IRAK3: variants seen among roughly 807,000 people sequenced by gnomAD.
IRAK3 encodes the protein interleukin-1 receptor-associated kinase 3.
IRAK3 carries 57 observed loss-of-function variants against 56.6 expected under a neutral mutation model. The observed-to-expected ratio is 1.01, with a 90% CI of 0.81 to 1.26. The LOEUF is 1.26. Ranked by LOEUF, IRAK3 falls within the 50% of genes most tolerant of loss-of-function variation. The pLI is 0.00. For synonymous variants in IRAK3, 258 were observed against 255.7 expected, an observed-to-expected ratio of 1.01 and a Z score of -0.09; for missense variants, 703 against 719.0, an observed-to-expected ratio of 0.98 and a Z score of 0.25.
intron 8 of IRAK3, among the ~76,000 whole-genome samples, chr12:66,241,103 C>T (rs903447929): frequency 1.3e-5 from 2 of 151,902 alleles, no homozygotes; most frequent in African/African-American, 2.4e-5. Context: ...TCCTAGAGAC[C>T]CCTACTAATA....
chr12:66,193,643 G>T (rs986694157), intron 1 of IRAK3, among the ~76,000 whole-genome samples: 3 of 76,434 alleles, frequency 3.9e-5, no homozygotes, highest in Admixed American at 2.2e-4. Context: ...AGGAGTATTG[G>T]TTGGAACTTA....
intron 1 of IRAK3, among the ~76,000 whole-genome samples, chr12:66,192,790 A>C (rs956977219): frequency 1.3e-5 from 2 of 151,996 alleles, no homozygotes; most frequent in Non-Finnish European, 2.9e-5. Context: ...GGATTATCTC[A>C]TTTACTTATT....
chr12:66,235,392 C>G (rs1279780035), intron 8 of IRAK3, among the ~76,000 whole-genome samples: 2 of 151,108 alleles, frequency 1.3e-5, no homozygotes, highest in East Asian at 3.9e-4. Context: ...GGCCCCGGGC[C>G]GAGGCAGCTT....
chr12:66,236,042 A>C (rs1311441179), intron 8 of IRAK3, among the ~76,000 whole-genome samples: 1 of 152,214 alleles, frequency 6.6e-6, no homozygotes, highest in African/African-American at 2.4e-5. Context: ...ATTCTCTGTA[A>C]TTAATTTTAT....
At chr12:66,193,304 C>T (rs192083776) in intron 1 of IRAK3, among the ~76,000 whole-genome samples, 112 of 152,202 alleles carry the variant, frequency 7.4e-4, no homozygotes, top group African/African-American at 2.2e-3. Flanking sequence ...TGAGCCACCG[C>T]GCCTGGCCTA....
chr12:66,205,571 G>T (rs11465949), intron 2 of IRAK3, among the ~76,000 whole-genome samples: 5 of 152,128 alleles, frequency 3.3e-5, no homozygotes, highest in Admixed American at 2.6e-4. Flanking sequence ...CTCAACAGGC[G>T]TTTCCTATCA....
chr12:66,196,829 T>C, intron 1 of IRAK3: 1 of 1,440,490 alleles, frequency 6.9e-7, no homozygotes, highest in Non-Finnish European at 9.1e-7. Context: ...TTGTCTAATT[T>C]TTTGCATGCT....
intron 5 of IRAK3, among the ~76,000 whole-genome samples, chr12:66,214,305 C>G (rs1057293202): frequency 6.6e-6 from 1 of 151,668 alleles, no homozygotes; most frequent in African/African-American, 2.4e-5. Flanking sequence ...GGGCGGATCA[C>G]TTGAGGTCAG....
chr12:66,239,733 G>T (rs2052945614), intron 8 of IRAK3, among the ~76,000 whole-genome samples: 1 of 151,970 alleles, frequency 6.6e-6, no homozygotes, highest in African/African-American at 2.4e-5. Flanking sequence ...ATCCAAATAT[G>T]ATTTTTTCTA....
chr12:66,235,842 T>C (rs1472575194), intron 8 of IRAK3, among the ~76,000 whole-genome samples: 3 of 152,342 alleles, frequency 2.0e-5, no homozygotes, highest in Admixed American at 6.5e-5. Context: ...TATTTTTCAA[T>C]GGCTTATTTT....
At chr12:66,216,025 T>C (rs1216264222) in intron 5 of IRAK3, among the ~76,000 whole-genome samples, 1 of 152,208 alleles carries the variant, frequency 6.6e-6, no homozygotes, top group Non-Finnish European at 1.5e-5. Flanking sequence ...CAGATTCTGA[T>C]TCAGCAGATC....
intron 2 of IRAK3, among the ~76,000 whole-genome samples, chr12:66,206,667 G>C (rs974817686): frequency 6.6e-6 from 1 of 152,112 alleles, no homozygotes; most frequent in African/African-American, 2.4e-5. Context: ...AAGAGGTATT[G>C]GTCTGTTGTT....
chr12:66,215,784 A>ATGCACGTGCACGTGCGCGCGCG lies in IRAK3; in HGVS notation c.589-1382_589-1381insGTGCACGTGCGCGCGCGTGCAC, dbSNP rs2052665235. Reference sequence around the variant, plus strand: ...TCTCCGCCCCCTATTTTAACCCAACATGCACACACACACACACACACACAC... The same window carrying ATGCACGTGCACGTGCGCGCGCG: ...TCTCCGCCCCCTATTTTAACCCAACATGCACGTGCACGTGCGCGCGCGTGCACACACACACACACACACACAC... On this transcript the variant is annotated intron_variant, in intron 5 of 11. Coordinates refer to ENST00000261233, the MANE Select transcript of IRAK3 (RefSeq NM_007199.3). Among the ~76,000 whole-genome samples the ATGCACGTGCACGTGCGCGCGCG allele has an allele frequency of 6.9e-5, 2 of 28,784 alleles. 1 individual carries two copies. Among genetic ancestry groups the ATGCACGTGCACGTGCGCGCGCG allele is most frequent in the Non-Finnish European group, 1.5e-4 (2 of 13,040 alleles). The allele number at this position is 28,784 out of a possible 152,430, so 18.9% of individuals were successfully genotyped here.
At position 66,252,439 on chromosome 12, in the gene IRAK3, G is replaced by T. The variant is rs563300483; in HGVS notation, c.*4268G>T. The T allele has an allele frequency of 5.3e-5, 8 of 152,280 alleles. No homozygotes were observed. The highest frequency in any genetic ancestry group is 2.6e-4 in the Admixed American group (4 of 15,296). The allele number at this position is 152,280 out of a possible 1,614,324, so 9.4% of individuals were successfully genotyped here. A position where few individuals can be genotyped will look rare whatever the true frequency, so the allele number is the denominator to read the frequency against. ...TTGTTGATTCCACAGATTTTTAGTA[G>T]GTACCATGTCTCCTGCCTTTATCAC... On this transcript the variant is annotated 3_prime_UTR_variant, in exon 12 of 12. Coordinates refer to ENST00000261233, the MANE Select transcript of IRAK3 (RefSeq NM_007199.3).
intron 8 of IRAK3, among the ~76,000 whole-genome samples, chr12:66,239,620 C>T (rs1338642892): frequency 6.6e-6 from 1 of 152,148 alleles, no homozygotes; most frequent in East Asian, 1.9e-4. Context: ...TCATAACCCC[C>T]TCAAAAAGCC....
Position 66,253,681 on chromosome 12 carries a change from T to C in IRAK3, c.*5510T>C, listed in dbSNP as rs2053124178. 1 of 152,152 alleles carries C rather than the reference T, an allele frequency of 6.6e-6. No individual in the cohort carries two copies. The highest frequency in any genetic ancestry group is 2.1e-4 in the South Asian group (1 of 4,832). 9.4% of individuals were successfully genotyped at this position (152,152 alleles called of 1,614,324 possible). ...TCTTATAGACAAACATTAATTGGAA[T>C]GGGGGGTAAGGAGGTAGGAATGGCT... is the stretch of plus-strand genomic sequence containing the variant. On this transcript the variant is annotated 3_prime_UTR_variant, in exon 12 of 12. Transcript: ENST00000261233.
intron 8 of IRAK3, among the ~76,000 whole-genome samples, chr12:66,229,684 T>G (rs897810994): frequency 1.3e-5 from 2 of 152,228 alleles, no homozygotes; most frequent in Middle Eastern, 3.4e-3. Context: ...GACCTGAATA[T>G]AGAGGGACCA....
chr12:66,217,508 A>T (rs2052689190), intron 6 of IRAK3, among the ~76,000 whole-genome samples: 1 of 152,228 alleles, frequency 6.6e-6, no homozygotes, highest in South Asian at 2.1e-4. Flanking sequence ...GAATAGTAAT[A>T]CTTAGAACAT....
At chr12:66,204,287 A>C (rs563420777) in intron 2 of IRAK3, among the ~76,000 whole-genome samples, 5 of 152,294 alleles carry the variant, frequency 3.3e-5, no homozygotes, top group African/African-American at 1.2e-4. Flanking sequence ...GTTTTACTAT[A>C]TATTACAAGT....
Sources: gnomAD v4.1 joint callset for allele counts (sites outside exome capture counted in the v4.1 genomes callset) on GRCh38, gnomAD v4.1.1 for gene constraint, MANE v1.5 for transcripts, NCBI Gene and HGNC (gene_info 2026-07-23, HGNC 2026-07-21) for gene names.